DNAH5: variants seen among roughly 807,000 people sequenced by gnomAD.
DNAH5 encodes dynein axonemal heavy chain 5.
DNAH5 carries 372 observed loss-of-function variants against 518.2 expected under a neutral mutation model. That is an observed-to-expected ratio of 0.72 (90% CI 0.66 to 0.78). The LOEUF (loss-of-function observed/expected upper bound fraction) is 0.78, where lower values mean the gene tolerates loss of function less well. DNAH5 is among the 30% of genes least tolerant of loss of function. DNAH5 has a pLI of 0.00. For missense variants in DNAH5, 5,523 were observed against 5,687.0 expected, an observed-to-expected ratio of 0.97 and a Z score of 0.93; for synonymous variants, 2,039 against 2,025.9, an observed-to-expected ratio of 1.01 and a Z score of -0.17.
At chr5:13,910,251 C>T (rs141161540) in intron 12 of DNAH5, among the ~76,000 whole-genome samples, 136 of 152,322 alleles carry the variant, frequency 8.9e-4, no homozygotes, top group African/African-American at 3.1e-3. Flanking sequence ...CCTTGTTATG[C>T]CTGTGACTTT....
At position 13,980,749 on chromosome 5, in the gene DNAH5, T is replaced by G. The variant is rs562849197; in HGVS notation, c.12+30899A>C. 7.9e-5 allele frequency among the ~76,000 whole-genome samples: 12 copies of G among 152,238 alleles called. No individual in the cohort carries two copies. The South Asian group carries it at 2.5e-3, about 32-fold the overall frequency. On this transcript the variant is annotated intron_variant, in intron 1 of 78. Coordinates refer to the DNAH5 transcript ENST00000681290. ...ATTGTCCTTTGAGAATGGAGGTCAG[T>G]TCATGTTTTTCCTGCTAGCCCCCAC...
intron 40 of DNAH5, among the ~76,000 whole-genome samples, chr5:13,821,752 G>GT (rs1209273045): frequency 1.3e-5 from 2 of 152,106 alleles, no homozygotes; most frequent in East Asian, 3.9e-4. Context: ...AATTACTAAC[G>GT]TAAGTCATCA....
At chr5:13,979,148 G>T (rs528566030) in intron 1 of DNAH5, among the ~76,000 whole-genome samples, 1 of 152,086 alleles carries the variant, frequency 6.6e-6, no homozygotes, top group South Asian at 2.1e-4. Context: ...GGGCTTTCCG[G>T]CTCACTGTTC....
At chr5:13,881,177 A>G (rs1434021004) in intron 21 of DNAH5, among the ~76,000 whole-genome samples, 1 of 151,994 alleles carries the variant, frequency 6.6e-6, no homozygotes, top group African/African-American at 2.4e-5. Flanking sequence ...CTGAAGAGAG[A>G]CACAGACTAG....
In DNAH5 at chr5:13,713,466, T is replaced by TATATATATATATATATACAC. The variant is rs1158251022; in HGVS notation, c.13125+938_13125+939insGTGTATATATATATATATAT. On this transcript the variant is annotated intron_variant, in intron 75 of 78. Coordinates refer to ENST00000265104, the MANE Select transcript of DNAH5 (RefSeq NM_001369.3). ...ATATATATATATATATATATATATATACACACACCGATATATATATATATA... is the reference window on the plus strand; with the variant it reads ...ATATATATATATATATATATATATATATATATATATATATATACACACACACACCGATATATATATATATA... Among the ~76,000 whole-genome samples, 8 of 98,322 alleles carry TATATATATATATATATACAC rather than the reference T, an allele frequency of 8.1e-5. No individual in the cohort carries two copies. The East Asian group carries it at 3.1e-3, about 38-fold the overall frequency. 64.5% of individuals were successfully genotyped at this position (98,322 alleles called of 152,430 possible). A position where few individuals can be genotyped will look rare whatever the true frequency, so the allele number is the denominator to read the frequency against.
intron 55 of DNAH5, among the ~76,000 whole-genome samples, chr5:13,775,551 C>T (rs1259047194): frequency 6.6e-6 from 1 of 152,118 alleles, no homozygotes; most frequent in Non-Finnish European, 1.5e-5. Flanking sequence ...GACAGACAGA[C>T]AACCTAGGTT....
rs745876736 is a variant in DNAH5 at position 13,716,713 on chromosome 5, T to C, written c.12706-23A>G. ...ACCCTGGGAAATTTTATAGAATAAT[T>C]ATGTAGAACTGACTACCGTTGCATT... is the stretch of plus-strand genomic sequence containing the variant. On this transcript the variant is annotated intron_variant, in intron 73 of 78. Coordinates refer to ENST00000265104, the MANE Select transcript of DNAH5 (RefSeq NM_001369.3). The C allele has an allele frequency of 6.6e-6, 10 of 1,509,060 alleles. No homozygotes were observed. In the South Asian group the frequency reaches 1.1e-4, roughly 17 times the overall value. The allele number at this position is 1,509,060 out of a possible 1,614,324, so 93.5% of individuals were successfully genotyped here. A position where few individuals can be genotyped will look rare whatever the true frequency, so the allele number is the denominator to read the frequency against.
rs184236329 is a variant in DNAH5 at position 13,939,070 on chromosome 5, A to G, written c.57+5312T>C. 2.8e-3 allele frequency among the ~76,000 whole-genome samples: 426 copies of G among 152,322 alleles called. 5 individuals are homozygous for G. The highest frequency in any genetic ancestry group is 1.0e-2 in the African/African-American group (415 of 41,562). On this transcript the variant is annotated intron_variant, in intron 1 of 78. Transcript: ENST00000265104. Reference sequence around the variant, plus strand: ...TCTTATCTCCTGAGCAGTAAAACAAAGTAAATAACAAGAGAATCTCATCAT... The same window carrying G: ...TCTTATCTCCTGAGCAGTAAAACAAGGTAAATAACAAGAGAATCTCATCAT...
chr5:13,741,634 G>A (rs1748560099), intron 65 of DNAH5, among the ~76,000 whole-genome samples: 1 of 152,126 alleles, frequency 6.6e-6, no homozygotes, highest in Admixed American at 6.6e-5. Flanking sequence ...GGAAATAAAA[G>A]TGATAATGAA....
At chr5:13,729,194 A>G (rs1746163912) in intron 69 of DNAH5, among the ~76,000 whole-genome samples, 1 of 152,204 alleles carries the variant, frequency 6.6e-6, no homozygotes, top group Non-Finnish European at 1.5e-5. Flanking sequence ...TGATACTAAC[A>G]TATGGCCCAG....
chr5:13,956,817 G>A (rs1006588954), intron 1 of DNAH5, among the ~76,000 whole-genome samples: 2 of 152,176 alleles, frequency 1.3e-5, no homozygotes, highest in African/African-American at 4.8e-5. Flanking sequence ...GAAATTTCAT[G>A]AACTGAATTA....
chr5:13,694,414 T>G (rs1741089256), intron 78 of DNAH5, among the ~76,000 whole-genome samples: 1 of 152,182 alleles, frequency 6.6e-6, no homozygotes, highest in Admixed American at 6.5e-5. Flanking sequence ...AAGCAGATGA[T>G]TCGAAACCAT....
At chr5:13,780,987 A>G (rs767978796) in intron 52 of DNAH5, 28 bp from the exon 53 acceptor site, 2 of 1,610,992 alleles carry the variant, frequency 1.2e-6, no homozygotes, top group East Asian at 2.2e-5. Context: ...AAAAGTATGT[A>G]TCTTTCAACA....
intron 1 of DNAH5, among the ~76,000 whole-genome samples, chr5:13,996,057 G>A (rs1292443467): frequency 1.3e-5 from 2 of 152,174 alleles, no homozygotes; most frequent in African/African-American, 4.8e-5. Flanking sequence ...AGCCTTGACG[G>A]TAGAAAATTT....
Position 13,776,618 on chromosome 5 carries a change from G to A in DNAH5, c.9194C>T (p.Pro3065Leu). 6.2e-7 allele frequency: 1 copy of A among 1,613,890 alleles called. No individual in the cohort carries two copies. Among genetic ancestry groups the A allele is most frequent in the Non-Finnish European group, 8.5e-7 (1 of 1,179,842 alleles). Residue 3065 changes from proline to leucine, a missense_variant, in exon 55 of 79, where the codon CCT becomes CTT. By Grantham distance (98) the Pro-to-Leu change is moderately conservative. Coordinates refer to ENST00000265104, the MANE Select transcript of DNAH5 (RefSeq NM_001369.3). ...GTAGTCGTGCAGGTTCTCATTGGTA[G>A]GAAGGCACCTGGGGAATTCTTTTTT... ...VMKKEFPRCLPTNENLHDYFM... is the reference protein window; with the variant it reads ...VMKKEFPRCLLTNENLHDYFM...
At chr5:13,697,021 G>A (rs765029704) in intron 78 of DNAH5, among the ~76,000 whole-genome samples, 5 of 152,072 alleles carry the variant, frequency 3.3e-5, no homozygotes, top group Non-Finnish European at 7.4e-5. Flanking sequence ...TTACTACCAT[G>A]CTGAGATGTT....
intron 16 of DNAH5, among the ~76,000 whole-genome samples, chr5:13,894,063 AC>A (rs1402737290): frequency 9.0e-6 from 1 of 111,152 alleles, no homozygotes; most frequent in Non-Finnish European, 2.0e-5. Context: ...TTGGAGACCT[AC>A]TGGGACACTG....
rs766695662 is a variant in DNAH5 at position 13,729,402 on chromosome 5, C to T, written c.11883+37G>A. ...AGTGATAAATCAGAAAGCTGCTCAA[C>T]ATGACATCAGCTTAAGTTGATTCAA... On this transcript the variant is annotated intron_variant, in intron 69 of 78. Coordinates refer to ENST00000265104, the MANE Select transcript of DNAH5 (RefSeq NM_001369.3). 1.1e-5 allele frequency: 18 copies of T among 1,612,956 alleles called. No individual in the cohort carries two copies. In the East Asian group the frequency reaches 3.8e-4, roughly 34 times the overall value.
intron 45 of DNAH5, 48 bp downstream of exon 45, chr5:13,810,011 G>A (rs1386491961): frequency 7.6e-5 from 115 of 1,520,602 alleles, no homozygotes; most frequent in Non-Finnish European, 1.0e-4. Context: ...GGCCATGTAG[G>A]AAAGAACGGC....
Sources: allele counts gnomAD v4.1 joint callset (sites outside exome capture counted in the v4.1 genomes callset), GRCh38; gene constraint gnomAD v4.1.1; transcripts MANE v1.5; gene names NCBI Gene and HGNC (gene_info 2026-07-23, HGNC 2026-07-21).